LRCH1: variants seen among roughly 807,000 people sequenced by gnomAD.
The protein encoded by LRCH1 is leucine rich repeats and calponin homology domain containing 1, also known as leucine-rich repeat and calponin homology domain-containing protein 1.
Under a neutral mutation model 94.9 loss-of-function variants are expected in LRCH1, and 23 were observed. The ratio of observed to expected loss-of-function variants is 0.24; its 90% CI spans 0.17 to 0.34. The LOEUF is 0.34. LRCH1 is among the 10% of genes least tolerant of loss of function. The pLI is 1.00. For synonymous variants in LRCH1, 364 were observed against 354.9 expected (o/e 1.03, Z -0.29); for missense variants, 790 against 945.9 (o/e 0.84, Z 2.16).
chr13:46,674,560 T>C (rs2051645679), intron 3 of LRCH1, among the ~76,000 whole-genome samples: 1 of 152,254 alleles, frequency 6.6e-6, no homozygotes, highest in African/African-American at 2.4e-5. Context: ...TCTGAATGAC[T>C]TCTATGTGCT....
At chr13:46,618,081 A>G (rs562995067) in intron 1 of LRCH1, among the ~76,000 whole-genome samples, 1 of 152,280 alleles carries the variant, frequency 6.6e-6, no homozygotes, top group South Asian at 2.1e-4. Flanking sequence ...AGGCCATTGC[A>G]TTGTTGTGTG....
intron 1 of LRCH1, among the ~76,000 whole-genome samples, chr13:46,604,482 C>T (rs932172234): frequency 2.0e-5 from 3 of 152,192 alleles, no homozygotes; most frequent in African/African-American, 7.2e-5. Context: ...CACACTGGGC[C>T]AGAGTCCTAG....
At position 46,560,342 on chromosome 13, in the gene LRCH1, G is replaced by A. The variant is rs1056488210; in HGVS notation, c.307+6639G>A. On this transcript the variant is annotated intron_variant, in intron 1 of 19. Transcript: ENST00000389797. ...ATGTGTAACTTGAATTTTTGTCTAA[G>A]CCTCAGAAAAACCTGTTTGTGAGGC... Among the ~76,000 whole-genome samples the A allele has an allele frequency of 2.6e-5, 4 of 152,118 alleles. No homozygotes were observed. The South Asian group carries it at 6.2e-4, about 24-fold the overall frequency.
intron 1 of LRCH1, among the ~76,000 whole-genome samples, chr13:46,564,904 T>C (rs527634566): frequency 7.2e-5 from 11 of 152,286 alleles, no homozygotes; most frequent in Non-Finnish European, 1.3e-4. Flanking sequence ...TCACTTTCTG[T>C]CCTTAATTTC....
intron 1 of LRCH1, among the ~76,000 whole-genome samples, chr13:46,641,288 C>T (rs2051155392): frequency 6.6e-6 from 1 of 152,100 alleles, no homozygotes; most frequent in Non-Finnish European, 1.5e-5. Flanking sequence ...CCAAAGAGGG[C>T]ACATGACCCT....
chr13:46,741,545 A>G (rs1873651927), intron 19 of LRCH1, 97 bp from the exon 20 acceptor site: 2 of 1,491,432 alleles, frequency 1.3e-6, no homozygotes, highest in Non-Finnish European at 1.9e-6. Flanking sequence ...GCCATTTGCT[A>G]GTAACCAAAA....
chr13:46,712,646 C>G, intron 15 of LRCH1, 49 bp downstream of exon 15: 2 of 1,509,370 alleles, frequency 1.3e-6, no homozygotes, highest in Non-Finnish European at 1.8e-6. Flanking sequence ...TCATTGCTTT[C>G]TCTTGAGCCT....
chr13:46,687,185 C>G (rs1047417224), intron 5 of LRCH1, among the ~76,000 whole-genome samples: 1 of 152,086 alleles, frequency 6.6e-6, no homozygotes, highest in African/African-American at 2.4e-5. Context: ...TCTCTAATTC[C>G]TGACCCCCAG....
At chr13:46,557,950 G>T (rs990957179) in intron 1 of LRCH1, among the ~76,000 whole-genome samples, 11 of 152,190 alleles carry the variant, frequency 7.2e-5, no homozygotes, top group African/African-American at 2.7e-4. Flanking sequence ...GACGGCTGAG[G>T]TGGGAAGCCC....
intron 1 of LRCH1, among the ~76,000 whole-genome samples, chr13:46,566,157 A>G (rs1203557005): frequency 6.6e-6 from 1 of 152,204 alleles, no homozygotes; most frequent in Non-Finnish European, 1.5e-5. Flanking sequence ...AACCATTGAC[A>G]GTCTCTTCAT....
chr13:46,728,342 A>G (rs943793938), intron 17 of LRCH1, among the ~76,000 whole-genome samples: 2 of 151,820 alleles, frequency 1.3e-5, no homozygotes, highest in African/African-American at 4.8e-5. Context: ...CAGCTTCCCA[A>G]GTAGCTGGGA....
At chr13:46,641,111 G>C (rs1356859789) in intron 1 of LRCH1, among the ~76,000 whole-genome samples, 1 of 152,132 alleles carries the variant, frequency 6.6e-6, no homozygotes, top group Non-Finnish European at 1.5e-5. Flanking sequence ...TGCCCCATGG[G>C]TGCTGAGTTA....
chr13:46,723,187 TA>T, intron 16 of LRCH1, 33 bp from the exon 17 acceptor site: 1 of 1,256,132 alleles, frequency 8.0e-7, no homozygotes, highest in Admixed American at 1.9e-5. Context: ...GACAAGGCAC[TA>T]TATAAAGGCT....
At chr13:46,736,485 T>A (rs1297918019) in intron 19 of LRCH1, among the ~76,000 whole-genome samples, 2 of 152,174 alleles carry the variant, frequency 1.3e-5, no homozygotes, top group Non-Finnish European at 2.9e-5. Context: ...GTTGATGACT[T>A]GAGTGTATGT....
At chr13:46,747,643 A>G (rs901536807), downstream of LRCH1, among the ~76,000 whole-genome samples, 2 of 152,200 alleles carry the variant, frequency 1.3e-5, no homozygotes, top group African/African-American at 4.8e-5. Flanking sequence ...CCCTCATTCA[A>G]AAATTGCTGT....
intron 1 of LRCH1, among the ~76,000 whole-genome samples, chr13:46,622,835 T>C (rs1043531707): frequency 6.6e-6 from 1 of 152,244 alleles, no homozygotes; most frequent in Non-Finnish European, 1.5e-5. Flanking sequence ...AAGTTGGCTT[T>C]TCTGTTGAGA....
intron 9 of LRCH1, among the ~76,000 whole-genome samples, chr13:46,698,051 G>A (rs1229135695): frequency 6.6e-6 from 1 of 152,208 alleles, no homozygotes; most frequent in Non-Finnish European, 1.5e-5. Context: ...TTGGAGTGTG[G>A]AGAGTGGCAC....
At chr13:46,664,619 A>G (rs887262265) in intron 2 of LRCH1, among the ~76,000 whole-genome samples, 1 of 152,196 alleles carries the variant, frequency 6.6e-6, no homozygotes, top group Non-Finnish European at 1.5e-5. Flanking sequence ...ATTTTAAAGA[A>G]GGTATCGTTG....
At chr13:46,571,705 C>T (rs952209215) in intron 1 of LRCH1, among the ~76,000 whole-genome samples, 1 of 152,134 alleles carries the variant, frequency 6.6e-6, no homozygotes, top group Admixed American at 6.5e-5. Flanking sequence ...TCCAACAGAC[C>T]AAGGTCAAAT....
Sources: allele counts gnomAD v4.1 joint callset (sites outside exome capture counted in the v4.1 genomes callset), GRCh38; gene constraint gnomAD v4.1.1; transcripts MANE v1.5; gene names NCBI Gene and HGNC (gene_info 2026-07-23, HGNC 2026-07-21).